Variants in PDE7A observed in about 807,000 individuals in gnomAD.
PDE7A encodes the protein high affinity 3',5'-cyclic-AMP phosphodiesterase 7A.
A neutral mutation model predicts 64.3 loss-of-function variants in PDE7A; 39 were observed. The observed-to-expected ratio is 0.61, with a 90% CI of 0.47 to 0.79. PDE7A has a LOEUF of 0.79. Among genes scored for constraint, PDE7A ranks in the 30% least tolerant of loss-of-function variants. PDE7A has a pLI of 0.00. For synonymous variants in PDE7A, 203 were observed against 206.8 expected (o/e 0.98, Z 0.16); for missense variants, 470 against 582.8 (o/e 0.81, Z 1.99).
intron 3 of PDE7A, among the ~76,000 whole-genome samples, chr8:65,750,967 T>C (rs1033916634): frequency 1.7e-4 from 26 of 152,164 alleles, no homozygotes; most frequent in African/African-American, 6.0e-4. Flanking sequence ...ATTAATCTCA[T>C]AAAGAAACCT....
At chr8:65,771,812 C>G (rs998048005) in intron 3 of PDE7A, among the ~76,000 whole-genome samples, 2 of 142,528 alleles carry the variant, frequency 1.4e-5, no homozygotes, top group Non-Finnish European at 3.0e-5. Context: ...AAGGTGGAGG[C>G]TGCAGTGAGC....
intron 7 of PDE7A, among the ~76,000 whole-genome samples, chr8:65,733,353 A>C (rs1806983018): frequency 6.6e-6 from 1 of 152,154 alleles, no homozygotes; most frequent in Non-Finnish European, 1.5e-5. Flanking sequence ...CAGAGAACTT[A>C]TTACCATCTT....
chr8:65,745,344 G>T, intron 5 of PDE7A, 63 bp downstream of exon 5: 1 of 925,570 alleles, frequency 1.1e-6, no homozygotes, highest in Non-Finnish European at 1.8e-6. Flanking sequence ...CGCACCAGCG[G>T]CTGCACCATC....
intron 3 of PDE7A, among the ~76,000 whole-genome samples, chr8:65,764,355 A>G (rs1808661840): frequency 6.6e-6 from 1 of 152,226 alleles, no homozygotes; most frequent in Non-Finnish European, 1.5e-5. Context: ...TACCATAACT[A>G]CAAGCACAGG....
chr8:65,783,015 A>G (rs772648678), intron 1 of PDE7A, among the ~76,000 whole-genome samples, 172 bp from the exon 2 acceptor site: 2 of 152,196 alleles, frequency 1.3e-5, no homozygotes, highest in Non-Finnish European at 2.9e-5. Context: ...GGGTACGGGG[A>G]CGACAAATAA....
At chr8:65,752,277 A>T (rs1376321137) in intron 3 of PDE7A, among the ~76,000 whole-genome samples, 1 of 152,202 alleles carries the variant, frequency 6.6e-6, no homozygotes, top group Non-Finnish European at 1.5e-5. Context: ...CAATAACGCA[A>T]GACCTTTTAT....
chr8:65,794,285 C>T (rs756978593), intron 1 of PDE7A, among the ~76,000 whole-genome samples: 11 of 152,086 alleles, frequency 7.2e-5, no homozygotes, highest in Non-Finnish European at 1.2e-4. Context: ...TTATCAAAGG[C>T]TCCTCAATGG....
intron 1 of PDE7A, among the ~76,000 whole-genome samples, chr8:65,815,911 C>T (rs1335391994): frequency 6.6e-6 from 1 of 152,198 alleles, no homozygotes; most frequent in Admixed American, 6.5e-5. Context: ...TCTTCACTTA[C>T]TTCAGCCAAA....
intron 1 of PDE7A, among the ~76,000 whole-genome samples, chr8:65,784,036 CA>C (rs975990551): frequency 4.1e-5 from 6 of 146,396 alleles, no homozygotes; most frequent in Non-Finnish European, 3.0e-5. Context: ...AATTAACAAG[CA>C]AAAAAAAAAG....
At chr8:65,761,597 G>T (rs1808498357) in intron 3 of PDE7A, among the ~76,000 whole-genome samples, 1 of 152,176 alleles carries the variant, frequency 6.6e-6, no homozygotes, top group African/African-American at 2.4e-5. Context: ...AGAGCAGTTG[G>T]CTTTGCTGGC....
chr8:65,727,597 A>C, intron 7 of PDE7A: 1 of 242,756 alleles, frequency 4.1e-6, no homozygotes, highest in Non-Finnish European at 7.8e-6. Context: ...TAAAACATAA[A>C]CCGTTCTTTT....
intron 3 of PDE7A, among the ~76,000 whole-genome samples, chr8:65,758,816 G>A (rs1284752237): frequency 6.6e-6 from 1 of 152,142 alleles, no homozygotes; most frequent in Non-Finnish European, 1.5e-5. Flanking sequence ...TCTTCCACAA[G>A]TAAGCAAAGC....
intron 1 of PDE7A, among the ~76,000 whole-genome samples, chr8:65,803,652 C>T (rs779790241): frequency 2.6e-5 from 4 of 152,142 alleles, no homozygotes; most frequent in Non-Finnish European, 5.9e-5. Context: ...AGGCCTTTTT[C>T]TTCTGGTATC....
chr8:65,725,897 T>TA (rs1170572514), intron 9 of PDE7A, among the ~76,000 whole-genome samples: 1 of 152,192 alleles, frequency 6.6e-6, no homozygotes, highest in African/African-American at 2.4e-5. Flanking sequence ...ACAGTGTGTT[T>TA]AAGCAATTTT....
chr8:65,793,385 G>C (rs975180617), intron 1 of PDE7A, among the ~76,000 whole-genome samples: 23 of 151,452 alleles, frequency 1.5e-4, no homozygotes, highest in African/African-American at 4.8e-4. Flanking sequence ...AGGTATGTCA[G>C]TATGCTGAAT....
chr8:65,766,504 G>A (rs1808791704), intron 3 of PDE7A, among the ~76,000 whole-genome samples: 1 of 152,214 alleles, frequency 6.6e-6, no homozygotes, highest in Non-Finnish European at 1.5e-5. Flanking sequence ...AGGAGACGCT[G>A]CCATAGTAAA....
Position 65,714,505 on chromosome 8 carries a change from A to C in PDE7A, c.*4785T>G, listed in dbSNP as rs1806055077. 6.6e-6 allele frequency: 1 copy of C among 152,022 alleles called. No individual in the cohort carries two copies. The highest frequency in any genetic ancestry group is 1.5e-5 in the Non-Finnish European group (1 of 68,012). 9.4% of individuals were successfully genotyped at this position (152,022 alleles called of 1,614,324 possible). ...CTCTTGGGGGCCTTCCAGATGACAC[A>C]AGTCATTATTAGCAAGGAACAAGCT... On this transcript the variant is annotated 3_prime_UTR_variant, in exon 13 of 13. Coordinates refer to ENST00000401827, the MANE Select transcript of PDE7A (RefSeq NM_001242318.3).
At chr8:65,756,751 C>T (rs141006099) in intron 3 of PDE7A, among the ~76,000 whole-genome samples, 19 of 152,056 alleles carry the variant, frequency 1.2e-4, no homozygotes, top group Admixed American at 2.6e-4. Context: ...GGGCTTCCTC[C>T]GGGGTGGTTT....
At chr8:65,790,216 T>C (rs534813663) in intron 1 of PDE7A, among the ~76,000 whole-genome samples, 1 of 152,352 alleles carries the variant, frequency 6.6e-6, no homozygotes, top group South Asian at 2.1e-4. Context: ...CAGATGACGC[T>C]GCAGCCCTGG....
Sources: gnomAD v4.1 joint callset for allele counts (sites outside exome capture counted in the v4.1 genomes callset) on GRCh38, gnomAD v4.1.1 for gene constraint, MANE v1.5 for transcripts, NCBI Gene and HGNC (gene_info 2026-07-23, HGNC 2026-07-21) for gene names.